The following TRAF3IP1 variants were observed in gnomAD, a reference collection of about 807,000 sequenced individuals.
TRAF3IP1 encodes the protein TRAF3-interacting protein 1.
In TRAF3IP1, 53 loss-of-function variants were observed where a neutral mutation model predicts 89.9. That is an observed-to-expected ratio of 0.59 (90% CI 0.47 to 0.74). The LOEUF (loss-of-function observed/expected upper bound fraction) is 0.74. Ranked by LOEUF, TRAF3IP1 falls within the 30% of genes least tolerant of loss-of-function variation. The probability of loss-of-function intolerance (pLI) is 0.00; values close to 1 mark genes in which losing one functional copy is unlikely to be tolerated. For synonymous variants in TRAF3IP1, 311 were observed against 322.1 expected (o/e 0.97, Z 0.37); for missense variants, 806 against 866.1 (o/e 0.93, Z 0.87).
At chr2:238,341,863 C>T (rs1267418689) in intron 8 of TRAF3IP1, among the ~76,000 whole-genome samples, 1 of 152,086 alleles carries the variant, frequency 6.6e-6, no homozygotes, top group Non-Finnish European at 1.5e-5. Flanking sequence ...CACCCTAGGG[C>T]GTCTTGAGCC....
chr2:238,345,728 G>A lies in TRAF3IP1; in HGVS notation c.1261+1130G>A, dbSNP rs1261398116. Among the ~76,000 whole-genome samples, 5 of 152,116 alleles carry A rather than the reference G, an allele frequency of 3.3e-5. 1 individual carries two copies. The highest frequency in any genetic ancestry group is 7.2e-5 in the African/African-American group (3 of 41,434). On this transcript the variant is annotated intron_variant, in intron 9 of 16. Transcript: ENST00000373327. The surrounding 1 kb of genome is among the most constrained non-coding windows in gnomAD (Gnocchi z 4.7). ...CGTGCTGGGGGAGCTGGCCTGGAGC[G>A]TAGAGGGAAGGCCCAGGCTAGAGAG...
rs1699824268 is a variant in TRAF3IP1 at position 238,365,224 on chromosome 2, T to C, written c.1689+9144T>C. On this transcript the variant is annotated intron_variant, in intron 15 of 16. Transcript: ENST00000373327. ...GTTTCATCACAAATACTATAACTCT[T>C]TCAGAAAAATGCTATTCAGAATCTC... Among the ~76,000 whole-genome samples, 4 of 152,192 alleles carry C rather than the reference T, an allele frequency of 2.6e-5. No homozygotes were observed. The South Asian group carries it at 8.3e-4, about 31-fold the overall frequency.
chr2:238,370,177 G>A (rs763625441), intron 15 of TRAF3IP1, among the ~76,000 whole-genome samples: 9 of 152,076 alleles, frequency 5.9e-5, no homozygotes, highest in African/African-American at 9.7e-5. Flanking sequence ...TTATATATGC[G>A]TGTGTGCATG....
chr2:238,352,491 A>AT lies in TRAF3IP1; in HGVS notation c.1452-336_1452-335insT, dbSNP rs554736124. Among the ~76,000 whole-genome samples the AT allele has an allele frequency of 1.2e-3, 176 of 151,898 alleles. 1 individual carries two copies. The highest frequency in any genetic ancestry group is 0.01 in the Middle Eastern group (3 of 294). The stretch of plus-strand genomic sequence containing the variant: ...GTCACTGAGAGCGCAGTCAGGGGAG[A>AT]GGCGGAGGCCCTGAGGGTCTTTGTG... On this transcript the variant is annotated intron_variant, in intron 12 of 16. Coordinates refer to ENST00000373327, the MANE Select transcript of TRAF3IP1 (RefSeq NM_015650.4).
intron 14 of TRAF3IP1, among the ~76,000 whole-genome samples, chr2:238,354,097 G>A (rs1198870401): frequency 6.6e-6 from 1 of 152,188 alleles, no homozygotes; most frequent in African/African-American, 2.4e-5. Flanking sequence ...TTAACATAGT[G>A]GATGTGTTTC....
chr2:238,343,006 AGGTC>A, intron 8 of TRAF3IP1, among the ~76,000 whole-genome samples: 1 of 152,168 alleles, frequency 6.6e-6, no homozygotes, highest in Admixed American at 6.5e-5. Context: ...TTAGAGTGGT[AGGTC>A]CTTTGACTGA....
Position 238,320,850 on chromosome 2 carries a change from G to T in TRAF3IP1, c.123+65G>T, listed in dbSNP as rs1476836425. 4.0e-6 allele frequency: 5 copies of T among 1,238,748 alleles called. No homozygotes were observed. In the South Asian group the frequency reaches 1.3e-4, roughly 33 times the overall value. The allele number at this position is 1,238,748 out of a possible 1,614,324, so 76.7% of individuals were successfully genotyped here. A position where few individuals can be genotyped will look rare whatever the true frequency, so the allele number is the denominator to read the frequency against. Reference sequence around the variant, plus strand: ...GATTCCGGTGGGCGCCGAGGTCAGGGCCCGGGCCGGGTGGCGCCGGGTGCG... The same window carrying T: ...GATTCCGGTGGGCGCCGAGGTCAGGTCCCGGGCCGGGTGGCGCCGGGTGCG... On this transcript the variant is annotated intron_variant, in intron 1 of 16. Transcript: ENST00000373327.
intron 15 of TRAF3IP1, 78 bp downstream of exon 15, chr2:238,356,158 A>T: frequency 9.1e-7 from 1 of 1,095,310 alleles, no homozygotes; most frequent in Non-Finnish European, 1.4e-6. Context: ...AAGTTGGAGC[A>T]TCTTTCAATA....
At chr2:238,320,984 C>T (rs975853007) in intron 1 of TRAF3IP1, among the ~76,000 whole-genome samples, 199 bp downstream of exon 1, 2 of 150,392 alleles carry the variant, frequency 1.3e-5, no homozygotes, top group Non-Finnish European at 3.0e-5. Context: ...AGGTCGGGGA[C>T]CTGTTCAGGG....
intron 15 of TRAF3IP1, among the ~76,000 whole-genome samples, chr2:238,377,076 T>C (rs754889665): frequency 3.9e-5 from 6 of 152,186 alleles, no homozygotes; most frequent in Non-Finnish European, 8.8e-5. Flanking sequence ...CCATTGTCTG[T>C]GTCATCTGAA....
chr2:238,388,654 A>G (rs113401137), intron 15 of TRAF3IP1, among the ~76,000 whole-genome samples: 45,971 of 143,486 alleles, frequency 0.32, 8,723 homozygotes, highest in Middle Eastern at 0.46. Flanking sequence ...CTGGAGTGCA[A>G]TGGCGTGATC....
chr2:238,373,052 A>C (rs1055680275), intron 15 of TRAF3IP1, among the ~76,000 whole-genome samples: 1 of 152,102 alleles, frequency 6.6e-6, no homozygotes, highest in African/African-American at 2.4e-5. Flanking sequence ...AGATGGGTAC[A>C]TTGTAAAAAT....
rs2106385107 is a variant in TRAF3IP1, at chr2:238,396,737, T to G, written c.1690-722T>G. On this transcript the variant is annotated intron_variant, in intron 15 of 16. Coordinates refer to ENST00000373327, the MANE Select transcript of TRAF3IP1 (RefSeq NM_015650.4). ...AACCGCATGCAGCTCCCCACTCGTC[T>G]CTGCGTCCTCCTCACCTCCTTCACC... Among the ~76,000 whole-genome samples the G allele has an allele frequency of 2.0e-5, 3 of 152,250 alleles. No individual in the cohort carries two copies. The Middle Eastern group carries it at 0.01, about 518-fold the overall frequency.
rs143274283 is a variant in TRAF3IP1 at position 238,358,323 on chromosome 2, G to C, written c.1689+2243G>C. ...AAGCCAAGGTGGGCGGATTGCTTGA[G>C]GCTATGAGTTTGAGATCATCCTGGC... On this transcript the variant is annotated intron_variant, in intron 15 of 16. Coordinates refer to ENST00000373327, the MANE Select transcript of TRAF3IP1 (RefSeq NM_015650.4). Among the ~76,000 whole-genome samples, 718 of 152,230 alleles carry C rather than the reference G, an allele frequency of 4.7e-3. 4 individuals are homozygous for C. The highest frequency in any genetic ancestry group is 0.017 in the African/African-American group (687 of 41,548).
intron 15 of TRAF3IP1, among the ~76,000 whole-genome samples, chr2:238,378,032 TTTTG>T (rs573874802): frequency 1.0e-3 from 157 of 152,258 alleles, no homozygotes; most frequent in Non-Finnish European, 1.6e-3. Context: ...TTTGTTTGTT[TTTTG>T]TTTGTTTGTT....
At chr2:238,355,814 A>G (rs544969400) in intron 14 of TRAF3IP1, among the ~76,000 whole-genome samples, 190 bp from the exon 15 acceptor site, 1 of 152,336 alleles carries the variant, frequency 6.6e-6, no homozygotes, top group Non-Finnish European at 1.5e-5. Context: ...GAAATGTGAT[A>G]ATTTCCACTA....
chr2:238,393,289 A>G (rs777864896), intron 15 of TRAF3IP1, among the ~76,000 whole-genome samples: 57 of 152,212 alleles, frequency 3.7e-4, no homozygotes, highest in Admixed American at 6.5e-4. Flanking sequence ...CTAATGCCTA[A>G]TGATTTCAAA....
chr2:238,398,424 C>T (rs910187616), intron 16 of TRAF3IP1, among the ~76,000 whole-genome samples: 10 of 79,218 alleles, frequency 1.3e-4, no homozygotes, highest in South Asian at 3.6e-4. Flanking sequence ...AGAGGCCCTG[C>T]GGCAGGAACA....
intron 15 of TRAF3IP1, among the ~76,000 whole-genome samples, chr2:238,367,729 G>A (rs1035377079): frequency 1.3e-5 from 2 of 152,066 alleles, no homozygotes; most frequent in African/African-American, 4.8e-5. Context: ...GGAAATTGAG[G>A]CTTAGGAGAG....
Sources: gnomAD v4.1 joint callset for allele counts (sites outside exome capture counted in the v4.1 genomes callset) on GRCh38, gnomAD v4.1.1 for gene constraint, Gnocchi (gnomAD v3.1) non-coding constraint, MANE v1.5 for transcripts, NCBI Gene and HGNC (gene_info 2026-07-23, HGNC 2026-07-21) for gene names.